The following TCERG1L variants were observed in gnomAD, a reference collection of about 807,000 sequenced individuals.
TCERG1L encodes the protein transcription elongation regulator 1 like, also known as transcription elongation regulator 1-like protein.
In TCERG1L, 37 loss-of-function variants were observed where a neutral mutation model predicts 56.3. That is an observed-to-expected ratio of 0.66 (90% CI 0.51 to 0.87). The LOEUF (loss-of-function observed/expected upper bound fraction) is 0.87. Ranked by LOEUF, TCERG1L falls within the 40% of genes least tolerant of loss-of-function variation. The pLI is 0.00. For synonymous variants in TCERG1L, 324 were observed against 326.3 expected (o/e 0.99, Z 0.08); for missense variants, 799 against 774.2 (o/e 1.03, Z -0.38).
At chr10:131,159,012 C>G (rs923494097) in intron 6 of TCERG1L, among the ~76,000 whole-genome samples, 3 of 152,236 alleles carry the variant, frequency 2.0e-5, no homozygotes, top group African/African-American at 7.2e-5. Context: ...CACCATCCTT[C>G]CCACCCACTT....
chr10:131,284,080 C>T (rs1185752015), intron 3 of TCERG1L, among the ~76,000 whole-genome samples: 10 of 144,022 alleles, frequency 6.9e-5, no homozygotes, highest in Admixed American at 2.2e-4. Flanking sequence ...GAGCCAAGAT[C>T]GAACTACTGC....
intron 4 of TCERG1L, among the ~76,000 whole-genome samples, chr10:131,187,338 C>A (rs1845255404): frequency 6.6e-6 from 1 of 152,190 alleles, no homozygotes; most frequent in Non-Finnish European, 1.5e-5. Context: ...AGAGACCAAG[C>A]TAATCCAAGG....
intron 4 of TCERG1L, among the ~76,000 whole-genome samples, chr10:131,243,124 G>C (rs1050235826): frequency 2.0e-5 from 3 of 152,160 alleles, no homozygotes; most frequent in African/African-American, 7.2e-5. Context: ...GTGGGGCTGT[G>C]CAAGATTTTG....
intron 4 of TCERG1L, among the ~76,000 whole-genome samples, chr10:131,257,006 AAAG>A (rs1846177707): frequency 1.5e-5 from 2 of 133,806 alleles, no homozygotes; most frequent in African/African-American, 5.6e-5. Flanking sequence ...AGAAAGAAAG[AAAG>A]AAAGAAAGAA....
At chr10:131,211,168 T>C (rs566039945) in intron 4 of TCERG1L, among the ~76,000 whole-genome samples, 1 of 152,346 alleles carries the variant, frequency 6.6e-6, no homozygotes, top group African/African-American at 2.4e-5. Flanking sequence ...CAGGGCCGTA[T>C]GGCTCGGCCC....
intron 4 of TCERG1L, among the ~76,000 whole-genome samples, chr10:131,242,173 G>C (rs773453416): frequency 1.3e-5 from 2 of 152,142 alleles, no homozygotes; most frequent in East Asian, 1.9e-4. Context: ...TAATACATTC[G>C]GGGAACGTGG....
At position 131,093,296 on chromosome 10, in the gene TCERG1L, C is replaced by T; in HGVS notation, c.1627G>A (p.Glu543Lys). ...AACCTCTGATCCCGGCCGTATTTCT[C>T]TGCAAACTCCTTAAACGTGGTCCTG... ...SPRTTFKEFA[E>K]KYGRDQRFRL... The change falls in exon 12 of 12, where the codon GAG becomes AAG. Residue 543 changes from glutamate to lysine, a missense_variant. Glu to Lys is a moderately conservative substitution (Grantham distance 56). Coordinates refer to ENST00000368642, the MANE Select transcript of TCERG1L (RefSeq NM_174937.4). 3.1e-6 allele frequency: 5 copies of T among 1,613,846 alleles called. No homozygotes were observed. The highest frequency in any genetic ancestry group is 4.2e-6 in the Non-Finnish European group (5 of 1,179,834).
chr10:131,153,527 T>C (rs953534116), intron 6 of TCERG1L, among the ~76,000 whole-genome samples: 1 of 152,014 alleles, frequency 6.6e-6, no homozygotes, highest in Non-Finnish European at 1.5e-5. Flanking sequence ...TTCTGAGGGA[T>C]TTTCCCAGCT....
chr10:131,297,373 T>C (rs766381458), intron 3 of TCERG1L, among the ~76,000 whole-genome samples: 44 of 152,176 alleles, frequency 2.9e-4, no homozygotes, highest in Admixed American at 1.2e-3. Flanking sequence ...CATTGATGGA[T>C]TTTCTAATGT....
At chr10:131,276,570 T>C (rs1286154139) in intron 3 of TCERG1L, among the ~76,000 whole-genome samples, 1 of 152,168 alleles carries the variant, frequency 6.6e-6, no homozygotes, top group African/African-American at 2.4e-5. Context: ...TCAGCCCATG[T>C]CTCTCTCTTT....
At position 131,309,300 on chromosome 10, in the gene TCERG1L, C is replaced by G. The variant is rs1401063736; in HGVS notation, c.343-1G>C. 6.3e-7 allele frequency: 1 copy of G among 1,589,496 alleles called. No individual in the cohort carries two copies. The highest frequency in any genetic ancestry group is 1.8e-5 in the Admixed American group (1 of 54,246). Reference sequence around the variant, plus strand: ...ACGGAGAATGGCCACCAAACAGCCACTGCAAGCCAAGCAAGAAAAGACAGC... The same window carrying G: ...ACGGAGAATGGCCACCAAACAGCCAGTGCAAGCCAAGCAAGAAAAGACAGC... On this transcript the variant is annotated splice_acceptor_variant, in intron 1 of 11. Transcript: ENST00000368642. LOFTEE classifies it high-confidence loss of function.
At chr10:131,136,994 G>C (rs1042676293) in intron 7 of TCERG1L, among the ~76,000 whole-genome samples, 52 of 151,974 alleles carry the variant, frequency 3.4e-4, no homozygotes, top group African/African-American at 1.2e-3. Flanking sequence ...ATAAAAATTA[G>C]CCGGGTGTGG....
chr10:131,208,892 C>T lies in TCERG1L; in HGVS notation c.857-42007G>A, dbSNP rs192308247. Among the ~76,000 whole-genome samples, 87 of 152,136 alleles carry T rather than the reference C, an allele frequency of 5.7e-4. No homozygotes were observed. The East Asian group carries it at 8.7e-3, about 15-fold the overall frequency. ...CTAACATGGTAAAACCGCGTCTCTACTAAAAATAGAAAAAAATTAGCCAGG... is the reference window on the plus strand; with the variant it reads ...CTAACATGGTAAAACCGCGTCTCTATTAAAAATAGAAAAAAATTAGCCAGG... On this transcript the variant is annotated intron_variant, in intron 4 of 11. Transcript: ENST00000368642.
At chr10:131,278,116 G>A (rs1846412137) in intron 3 of TCERG1L, among the ~76,000 whole-genome samples, 1 of 151,794 alleles carries the variant, frequency 6.6e-6, no homozygotes, top group African/African-American at 2.4e-5. Flanking sequence ...TCAGGAACAG[G>A]AGAACTCAGA....
chr10:131,106,165 T>C (rs771511618), intron 9 of TCERG1L, among the ~76,000 whole-genome samples: 9 of 152,258 alleles, frequency 5.9e-5, no homozygotes, highest in Non-Finnish European at 1.0e-4. Flanking sequence ...AGAACATAAA[T>C]GCATTCATTT....
intron 4 of TCERG1L, among the ~76,000 whole-genome samples, chr10:131,253,581 C>T (rs1846133658): frequency 1.3e-5 from 2 of 152,138 alleles, no homozygotes; most frequent in African/African-American, 4.8e-5. Context: ...GGTGACGTGG[C>T]ATTCACCGTG....
chr10:131,303,706 T>C (rs900996013), intron 3 of TCERG1L, among the ~76,000 whole-genome samples: 1 of 152,102 alleles, frequency 6.6e-6, no homozygotes, highest in Non-Finnish European at 1.5e-5. Context: ...AATCTTTCTA[T>C]GTTGTCTTCT....
chr10:131,167,025 C>T, intron 4 of TCERG1L, 140 bp from the exon 5 acceptor site: 1 of 707,666 alleles, frequency 1.4e-6, no homozygotes, highest in Non-Finnish European at 2.3e-6. Flanking sequence ...GGTGGCATTG[C>T]CCTGTCCTTG....
chr10:131,227,065 G>A lies in TCERG1L; in HGVS notation c.856+33194C>T, dbSNP rs987018814. Among the ~76,000 whole-genome samples the A allele has an allele frequency of 3.3e-5, 5 of 152,220 alleles. No homozygotes were observed. In the South Asian group the frequency reaches 8.3e-4, roughly 25 times the overall value. On this transcript the variant is annotated intron_variant, in intron 4 of 11. Coordinates refer to ENST00000368642, the MANE Select transcript of TCERG1L (RefSeq NM_174937.4). ...AACAGCAAGGCTGAAAATCGGTTTC[G>A]CCCTCGGCCCTCACAGGACCCTGGA... is the stretch of plus-strand genomic sequence containing the variant.
Sources: gnomAD v4.1 joint callset for allele counts (sites outside exome capture counted in the v4.1 genomes callset) on GRCh38, gnomAD v4.1.1 for gene constraint, MANE v1.5 for transcripts, NCBI Gene and HGNC (gene_info 2026-07-23, HGNC 2026-07-21) for gene names.